Variants in FAM228B observed in about 807,000 individuals in gnomAD.
FAM228B encodes the protein protein FAM228B.
A neutral mutation model predicts 42.6 loss-of-function variants in FAM228B; 38 were observed. That is an observed-to-expected ratio of 0.89 (90% CI 0.69 to 1.17). The LOEUF is 1.17. Ranked by LOEUF, FAM228B falls within the 50% of genes most tolerant of loss-of-function variation. FAM228B has a pLI of 0.00. For missense variants in FAM228B, 344 were observed against 367.3 expected (o/e 0.94, Z 0.52); for synonymous variants, 109 against 122.3 (o/e 0.89, Z 0.72).
rs371320605 is a variant in FAM228B at position 24,145,729 on chromosome 2, G to A, written c.442-1019G>A. 1.3e-4 allele frequency among the ~76,000 whole-genome samples: 19 copies of A among 147,690 alleles called. No individual in the cohort carries two copies. In the South Asian group the frequency reaches 3.6e-3, roughly 28 times the overall value. On this transcript the variant is annotated intron_variant, in intron 5 of 10. Coordinates refer to ENST00000615575, the MANE Select transcript of FAM228B (RefSeq NM_001145710.2). ...TCCTTTTTTTTTTTTTTTTTGAGAC[G>A]GAGTCTTGCTCTGTCGCCCAAGTGG...
intron 2 of FAM228B, among the ~76,000 whole-genome samples, chr2:24,086,141 A>G (rs1402848875): frequency 2.0e-5 from 3 of 150,698 alleles, no homozygotes; most frequent in Non-Finnish European, 4.4e-5. Context: ...AGGCTGAGGC[A>G]GGAGAATGGC....
rs188694004 is a variant in FAM228B, at chr2:24,090,137, T to A, written c.-209-5004T>A. Among the ~76,000 whole-genome samples the A allele has an allele frequency of 5.9e-5, 9 of 151,336 alleles. No individual in the cohort carries two copies. The East Asian group carries it at 1.8e-3, about 30-fold the overall frequency. Reference sequence around the variant, plus strand: ...ACAAAAAATTAGCCGGGGTGGTGGCTGGCGCCTGTAGTCCCAGTTACTCGG... The same window carrying A: ...ACAAAAAATTAGCCGGGGTGGTGGCAGGCGCCTGTAGTCCCAGTTACTCGG... On this transcript the variant is annotated intron_variant, in intron 2 of 10. Transcript: ENST00000613899.
At chr2:24,147,472 C>T (rs1182408239) in intron 7 of FAM228B, among the ~76,000 whole-genome samples, 1 of 151,758 alleles carries the variant, frequency 6.6e-6, no homozygotes, top group Non-Finnish European at 1.5e-5. Context: ...TTCTTATTTC[C>T]TGTTCTGTCT....
intron 10 of FAM228B, 45 bp downstream of exon 10, chr2:24,167,728 C>T: frequency 6.5e-7 from 1 of 1,547,600 alleles, no homozygotes; most frequent in Admixed American, 2.0e-5. Flanking sequence ...TATTCCTTAC[C>T]CCTGTTTCTT....
intron 3 of FAM228B, among the ~76,000 whole-genome samples, chr2:24,099,888 C>T (rs1479125334): frequency 6.6e-6 from 1 of 152,188 alleles, no homozygotes; most frequent in South Asian, 2.1e-4. Flanking sequence ...GCTACAGTAA[C>T]CAAAACAGCA....
rs113166388 is a variant in FAM228B at position 24,108,239 on chromosome 2, G to A, written c.-121+13010G>A. Among the ~76,000 whole-genome samples the A allele has an allele frequency of 1.8e-3, 276 of 152,216 alleles. 1 individual carries two copies. Among genetic ancestry groups the A allele is most frequent in the African/African-American group, 6.3e-3 (263 of 41,528 alleles). On this transcript the variant is annotated intron_variant, in intron 3 of 10. Coordinates refer to the FAM228B transcript ENST00000613899. ...TGAACCAGGAATAAACTGAATCCCT[G>A]AACAGACCAATAATGAGTTCTGAAA... is the stretch of plus-strand genomic sequence containing the variant.
intron 8 of FAM228B, among the ~76,000 whole-genome samples, chr2:24,162,362 G>A (rs565560790): frequency 2.6e-5 from 4 of 152,244 alleles, no homozygotes; most frequent in South Asian, 2.1e-4. Flanking sequence ...TGTATATAAT[G>A]TGGGGAATCA....
At chr2:24,079,255 C>T in intron 1 of FAM228B, 1 of 597,356 alleles carries the variant, frequency 1.7e-6, no homozygotes, top group East Asian at 2.8e-5. Flanking sequence ...TTTCATGATA[C>T]TGAAGCTTCT....
At chr2:24,147,206 CAG>C (rs1666917208) in intron 7 of FAM228B, 120 bp downstream of exon 7, 2 of 664,834 alleles carry the variant, frequency 3.0e-6, no homozygotes, top group African/African-American at 1.8e-5. Flanking sequence ...TTTTTTGAGA[CAG>C]AGTCTCACTC....
intron 2 of FAM228B, among the ~76,000 whole-genome samples, chr2:24,086,683 T>C (rs1431532222): frequency 6.6e-6 from 1 of 152,150 alleles, no homozygotes; most frequent in Non-Finnish European, 1.5e-5. Flanking sequence ...ATCTGCAATC[T>C]GGAAGCTAGA....
chr2:24,126,768 A>C (rs1666318847), intron 2 of FAM228B, among the ~76,000 whole-genome samples: 1 of 150,694 alleles, frequency 6.6e-6, no homozygotes, highest in Admixed American at 6.7e-5. Flanking sequence ...CTGCCACCAC[A>C]CCTGGCTAAT....
chr2:24,126,686 C>T (rs1666317131), intron 2 of FAM228B, among the ~76,000 whole-genome samples: 1 of 151,688 alleles, frequency 6.6e-6, no homozygotes, highest in Admixed American at 6.6e-5. Context: ...TCTCAGCTCA[C>T]TGCAAACTCT....
upstream of FAM228B, among the ~76,000 whole-genome samples, chr2:24,120,794 C>T (rs1195668994): frequency 6.6e-6 from 1 of 152,010 alleles, no homozygotes; most frequent in African/African-American, 2.4e-5. Context: ...ACCTCAGCCT[C>T]CCAAAGTGCT....
In FAM228B at chr2:24,084,520, C is replaced by T. The variant is rs987535018; in HGVS notation, c.-210+3565C>T. ...CCCTGGTCTGCCGCGGACCCGGCCT[C>T]CGCCCCGAGCTCCTGCCTGGGAAGT... On this transcript the variant is annotated intron_variant, in intron 2 of 10. Coordinates refer to the FAM228B transcript ENST00000613899. The surrounding 1 kb of genome is among the most constrained non-coding windows in gnomAD (Gnocchi z 8.4). The T allele has an allele frequency of 5.8e-5, 41 of 707,176 alleles. No homozygotes were observed. In the Admixed American group the frequency reaches 6.2e-4, roughly 11 times the overall value. 43.8% of individuals were successfully genotyped at this position (707,176 alleles called of 1,614,324 possible).
At chr2:24,136,756 A>G (rs574848441) in intron 3 of FAM228B, among the ~76,000 whole-genome samples, 54 of 152,232 alleles carry the variant, frequency 3.5e-4, no homozygotes, top group Non-Finnish European at 6.5e-4. Context: ...AGTGTATGCG[A>G]TATAAAAGTA....
Position 24,077,551 on chromosome 2 carries a change from G to A in FAM228B, c.-290+582G>A, listed in dbSNP as rs760031537. 1.3e-6 allele frequency: 2 copies of A among 1,594,016 alleles called. No individual in the cohort carries two copies. Among genetic ancestry groups the A allele is most frequent in the Non-Finnish European group, 8.5e-7 (1 of 1,171,074 alleles). The stretch of plus-strand genomic sequence containing the variant: ...GTTTGCTCTGGAAAGGCCTGGGGTG[G>A]CCGCGTCCTGTCCTGCCCCATCCTC... On this transcript the variant is annotated intron_variant, in intron 1 of 10. Transcript: ENST00000613899. This position sits in a 1 kb window ranked among gnomAD's most constrained non-coding sequence, Gnocchi z 5.5.
rs377717648 is a variant in FAM228B at position 24,146,399 on chromosome 2, G to C, written c.442-349G>C. ...TATGTTGTTGATTATCAATGTTAGG[G>C]ATTAAGATGAATATATGGATATATT... On this transcript the variant is annotated intron_variant, in intron 5 of 10. Transcript: ENST00000615575. Among the ~76,000 whole-genome samples the C allele has an allele frequency of 7.2e-5, 11 of 152,268 alleles. No homozygotes were observed. In the East Asian group the frequency reaches 2.1e-3, roughly 29 times the overall value.
At chr2:24,091,200 T>C (rs1022460461) in intron 2 of FAM228B, among the ~76,000 whole-genome samples, 7 of 152,124 alleles carry the variant, frequency 4.6e-5, no homozygotes, top group Non-Finnish European at 8.8e-5. Flanking sequence ...TCCCAGCACT[T>C]TGGGAGGCGG....
rs1262130897 is a variant in FAM228B, at chr2:24,077,347, G to A, written c.-290+378G>A. 7 of 425,800 alleles carry A rather than the reference G, an allele frequency of 1.6e-5. No individual in the cohort carries two copies. In the Admixed American group the frequency reaches 2.6e-4, roughly 16 times the overall value. 26.4% of individuals were successfully genotyped at this position (425,800 alleles called of 1,614,324 possible). A position where few individuals can be genotyped will look rare whatever the true frequency, so the allele number is the denominator to read the frequency against. ...GGGGCCCTCAGGTTGAGCGTCAGCT[G>A]ATCGGGCCTCAGTAATCCCCGCTGC... On this transcript the variant is annotated intron_variant, in intron 1 of 10. Coordinates refer to the FAM228B transcript ENST00000613899. The surrounding 1 kb of genome is among the most constrained non-coding windows in gnomAD (Gnocchi z 5.5).
Sources: gnomAD v4.1 joint callset for allele counts (sites outside exome capture counted in the v4.1 genomes callset) on GRCh38, gnomAD v4.1.1 for gene constraint, Gnocchi (gnomAD v3.1) non-coding constraint, MANE v1.5 for transcripts, NCBI Gene and HGNC (gene_info 2026-07-23, HGNC 2026-07-21) for gene names.